The following HEATR5B variants were observed in gnomAD, a reference collection of about 807,000 sequenced individuals.
HEATR5B encodes the protein HEAT repeat-containing protein 5B.
HEATR5B carries 156 observed loss-of-function variants against 224.1 expected under a neutral mutation model. The ratio of observed to expected loss-of-function variants is 0.70; its 90% CI spans 0.61 to 0.80. The LOEUF is 0.80. Among genes scored for constraint, HEATR5B ranks in the 30% least tolerant of loss-of-function variants. HEATR5B has a pLI of 0.00. For missense variants in HEATR5B, 2,323 were observed against 2,535.5 expected (o/e 0.92, Z 1.80); for synonymous variants, 1,027 against 893.0 (o/e 1.15, Z -2.68).
chr2:37,019,081 C>T (rs892541165), intron 26 of HEATR5B, among the ~76,000 whole-genome samples: 1 of 151,894 alleles, frequency 6.6e-6, no homozygotes, highest in African/African-American at 2.4e-5. Flanking sequence ...TTGCTTGAAC[C>T]CGGGAGGCGG....
rs540789339 is a variant in HEATR5B, at chr2:37,020,823, T to C, written c.3867A>G (p.Val1289=). ...KLRNPTNDLL[V]LHLSDLIRMA... is the part of the protein sequence containing the mutation. ...TGCGAATGAGGTCAGAGAGATGAAGTACCAAGAGGTCATCTAAAAATAAAA... is the reference window on the plus strand; with the variant it reads ...TGCGAATGAGGTCAGAGAGATGAAGCACCAAGAGGTCATCTAAAAATAAAA... The change falls in exon 25 of 36, where the codon GTA becomes GTG. Residue 1289 remains valine, a synonymous_variant. Transcript: ENST00000233099. 1.0e-5 allele frequency: 15 copies of C among 1,503,464 alleles called. No homozygotes were observed. Among genetic ancestry groups the C allele is most frequent in the South Asian group, 2.7e-5 (2 of 75,176 alleles). The allele number at this position is 1,503,464 out of a possible 1,614,324, so 93.1% of individuals were successfully genotyped here.
At chr2:37,056,767 T>G (rs907843892) in intron 15 of HEATR5B, 152 bp from the exon 16 acceptor site, 1 of 618,618 alleles carries the variant, frequency 1.6e-6, no homozygotes, top group African/African-American at 1.9e-5. Flanking sequence ...GACCAAAATG[T>G]AATTTGGTCA....
chr2:37,015,581 T>A (rs1315194961), intron 26 of HEATR5B, among the ~76,000 whole-genome samples: 1 of 152,176 alleles, frequency 6.6e-6, no homozygotes, highest in East Asian at 1.9e-4. Context: ...AATTTCTAAA[T>A]GCTGATTGTT....
chr2:37,077,553 C>G (rs1672310347), intron 3 of HEATR5B, among the ~76,000 whole-genome samples: 1 of 152,246 alleles, frequency 6.6e-6, no homozygotes, highest in Non-Finnish European at 1.5e-5. Flanking sequence ...GGTGATCCGC[C>G]TGCCTCGGCC....
chr2:37,033,071 G>A (rs6544052), intron 21 of HEATR5B, among the ~76,000 whole-genome samples: 7,609 of 151,774 alleles, frequency 0.05, 286 homozygotes, highest in South Asian at 0.11. Context: ...AGTAGTGTCG[G>A]GTTTTCACCA....
chr2:37,058,632 T>TATCA, intron 13 of HEATR5B, 72 bp from the exon 14 acceptor site: 2 of 1,031,696 alleles, frequency 1.9e-6, no homozygotes, highest in Non-Finnish European at 3.0e-6. Flanking sequence ...TTTAGCAATG[T>TATCA]ATCAATGTAC....
intron 24 of HEATR5B, among the ~76,000 whole-genome samples, chr2:37,021,843 C>T (rs1267406168): frequency 2.0e-5 from 3 of 148,590 alleles, no homozygotes; most frequent in Non-Finnish European, 4.4e-5. Context: ...GCCGAGATCA[C>T]GCAACTGCAC....
chr2:37,030,123 G>T (rs1451609266), intron 22 of HEATR5B, among the ~76,000 whole-genome samples: 1 of 151,904 alleles, frequency 6.6e-6, no homozygotes, highest in African/African-American at 2.4e-5. Flanking sequence ...GTATTATTAC[G>T]CCCTCTGAAG....
intron 27 of HEATR5B, among the ~76,000 whole-genome samples, chr2:37,012,581 T>C (rs1667853740): frequency 6.6e-6 from 1 of 152,076 alleles, no homozygotes; most frequent in Non-Finnish European, 1.5e-5. Flanking sequence ...GCAGAGACAG[T>C]GTTTCACCAT....
At position 37,038,920 on chromosome 2, in the gene HEATR5B, G is replaced by GGGA. The variant is rs58707175; in HGVS notation, c.3047-897_3047-896insTCC. ...GTCTCCCTGGGGTGGGGGGGGTGGG[G>GGGA]AATCACATATTTTTCAATTTCTAGC... On this transcript the variant is annotated intron_variant, in intron 20 of 35. Transcript: ENST00000233099. 9.8e-3 allele frequency among the ~76,000 whole-genome samples: 1,219 copies of GGGA among 124,314 alleles called. 118 individuals are homozygous for GGGA. The highest frequency in any genetic ancestry group is 0.012 in the African/African-American group (382 of 32,444). 81.6% of individuals were successfully genotyped at this position (124,314 alleles called of 152,430 possible).
chr2:37,061,356 T>C (rs1671269573), intron 11 of HEATR5B, among the ~76,000 whole-genome samples: 1 of 152,234 alleles, frequency 6.6e-6, no homozygotes, highest in Non-Finnish European at 1.5e-5. Context: ...AAGTATAATT[T>C]CCAACAGATA....
Position 37,053,506 on chromosome 2 carries a change from A to C in HEATR5B, c.2501T>G (p.Leu834Arg). 1 of 1,575,086 alleles carries C rather than the reference A, an allele frequency of 6.3e-7. No homozygotes were observed. The highest frequency in any genetic ancestry group is 8.7e-7 in the Non-Finnish European group (1 of 1,151,866). ...LNIFTAVLSA[L>R]KGLAENKSTL... ...GTATGTATTAAAAGTAAATACCTTT[A>C]GTGCACTAAGAACAGCAGTAAATAT... is the stretch of plus-strand genomic sequence containing the variant. The change falls in exon 17 of 36, where the codon CTA (leucine) becomes CGA (arginine). Residue 834 changes from leucine to arginine, a missense_variant. By Grantham distance (102) the Leu-to-Arg change is moderately radical. Coordinates refer to ENST00000233099, the MANE Select transcript of HEATR5B (RefSeq NM_019024.3).
At chr2:37,052,427 C>T (rs959378599) in intron 17 of HEATR5B, among the ~76,000 whole-genome samples, 1 of 152,216 alleles carries the variant, frequency 6.6e-6, no homozygotes, top group African/African-American at 2.4e-5. Flanking sequence ...GCACTTATCA[C>T]ATACCATGGC....
intron 9 of HEATR5B, 61 bp downstream of exon 9, chr2:37,065,694 C>T: frequency 7.2e-7 from 1 of 1,390,040 alleles, no homozygotes; most frequent in Non-Finnish European, 1.0e-6. Context: ...AATTAAATAT[C>T]AATCACACTT....
In HEATR5B at chr2:37,040,278, A is replaced by G. The variant is rs1669789148; in HGVS notation, c.3046+51T>C. ...TGTGATGGTGATATTCAGGAAATTT[A>G]AAGATACTGATTATCTAACTAGGTT... On this transcript the variant is annotated intron_variant, in intron 20 of 35. Transcript: ENST00000233099. 2.8e-6 allele frequency: 4 copies of G among 1,413,954 alleles called. No homozygotes were observed. In the East Asian group the frequency reaches 9.1e-5, roughly 32 times the overall value. The allele number at this position is 1,413,954 out of a possible 1,614,324, so 87.6% of individuals were successfully genotyped here. A position where few individuals can be genotyped will look rare whatever the true frequency, so the allele number is the denominator to read the frequency against.
At chr2:37,065,641 G>T in intron 9 of HEATR5B, 114 bp downstream of exon 9, 1 of 902,022 alleles carries the variant, frequency 1.1e-6, no homozygotes, top group Non-Finnish European at 1.7e-6. Context: ...AGTAAAACCT[G>T]ATGATCTGAA....
intron 26 of HEATR5B, among the ~76,000 whole-genome samples, chr2:37,016,052 AGAAG>A (rs1283244426): frequency 2.0e-5 from 3 of 152,150 alleles, no homozygotes; most frequent in Non-Finnish European, 4.4e-5. Flanking sequence ...AAGAGTTTCA[AGAAG>A]GAAGGGGTGG....
At position 37,079,171 on chromosome 2, in the gene HEATR5B, T is replaced by C. The variant is rs140515962; in HGVS notation, c.287A>G (p.Asn96Ser). Residue 96 changes from asparagine (N) to serine (S), a missense_variant, in exon 3 of 36, where the codon AAT (asparagine) becomes AGT (serine). Physicochemically the swap from Asn to Ser is conservative, Grantham distance 46. Transcript: ENST00000233099. ...FTVFQTLDKC[N>S]DIIRNKDDTA... is the part of the protein sequence containing the mutation. ...GTCATCTTTATTTCTGATAATGTCA[T>C]TGCATTTATCAAGTGTCTGAAAAAC... is the stretch of plus-strand genomic sequence containing the variant. 7 of 1,610,420 alleles carry C rather than the reference T, an allele frequency of 4.3e-6. No homozygotes were observed. The highest frequency in any genetic ancestry group is 4.0e-5 in the African/African-American group (3 of 74,984).
At chr2:37,050,943 A>G (rs1290231893) in intron 17 of HEATR5B, among the ~76,000 whole-genome samples, 3 of 152,124 alleles carry the variant, frequency 2.0e-5, no homozygotes, top group African/African-American at 7.2e-5. Flanking sequence ...CAGCAGACTT[A>G]GGCAGGAGAA....
Sources: gnomAD v4.1 joint callset for allele counts (sites outside exome capture counted in the v4.1 genomes callset) on GRCh38, gnomAD v4.1.1 for gene constraint, MANE v1.5 for transcripts, NCBI Gene and HGNC (gene_info 2026-07-23, HGNC 2026-07-21) for gene names.